Variants in BCAS3 observed in about 807,000 individuals in gnomAD.
BCAS3 encodes the protein BCAS3 microtubule associated cell migration factor, also known as BCAS4/BCAS3 fusion.
BCAS3 carries 53 observed loss-of-function variants against 116.1 expected under a neutral mutation model. The observed-to-expected ratio is 0.46, with a 90% CI of 0.37 to 0.57. The LOEUF (loss-of-function observed/expected upper bound fraction) is 0.57. Ranked by LOEUF, BCAS3 falls within the 20% of genes least tolerant of loss-of-function variation. BCAS3 has a pLI of 0.00. For synonymous variants in BCAS3, 391 were observed against 408.2 expected, an observed-to-expected ratio of 0.96 and a Z score of 0.51; for missense variants, 917 against 1,165.4, an observed-to-expected ratio of 0.79 and a Z score of 3.10.
Position 61,279,351 on chromosome 17 carries a change from G to T in BCAS3, c.2426-88976G>T, listed in dbSNP as rs1004613868. Among the ~76,000 whole-genome samples the T allele has an allele frequency of 2.0e-5, 3 of 151,908 alleles. No individual in the cohort carries two copies. The highest frequency in any genetic ancestry group is 6.6e-5 in the Admixed American group (1 of 15,258). ...TAGGTCTGACACACCTAATAGAACA[G>T]AAGCTCTCGCTTCTTTCTTCTCTTT... On this transcript the variant is annotated intron_variant, in intron 22 of 23. Transcript: ENST00000407086. This position sits in a 1 kb window ranked among gnomAD's most constrained non-coding sequence, Gnocchi z 4.4.
intron 5 of BCAS3, among the ~76,000 whole-genome samples, chr17:60,741,542 T>TA (rs1303133471): frequency 2.0e-5 from 3 of 152,238 alleles, no homozygotes; most frequent in Non-Finnish European, 4.4e-5. Context: ...ACAAAAGTCT[T>TA]ACATCATCTG....
At chr17:61,158,346 G>A (rs2077979494) in intron 22 of BCAS3, among the ~76,000 whole-genome samples, 1 of 152,122 alleles carries the variant, frequency 6.6e-6, no homozygotes, top group South Asian at 2.1e-4. Flanking sequence ...GATAGAATAT[G>A]TGCATGACTT....
At chr17:60,721,557 A>G (rs1489494856) in intron 5 of BCAS3, among the ~76,000 whole-genome samples, 2 of 152,156 alleles carry the variant, frequency 1.3e-5, no homozygotes, top group Non-Finnish European at 2.9e-5. Context: ...GGCAGTAGAC[A>G]TTACTGTGAG....
chr17:61,148,755 T>C (rs1371751481), intron 22 of BCAS3, among the ~76,000 whole-genome samples: 2 of 152,234 alleles, frequency 1.3e-5, no homozygotes, highest in Admixed American at 6.5e-5. Flanking sequence ...ACTGCAGGTC[T>C]GTCTCCCTCC....
chr17:60,875,356 C>G (rs1035513504), intron 9 of BCAS3, among the ~76,000 whole-genome samples: 2 of 151,988 alleles, frequency 1.3e-5, no homozygotes, highest in African/African-American at 4.8e-5. Context: ...GTGGTAAGTC[C>G]TCATTTGGGT....
intron 22 of BCAS3, among the ~76,000 whole-genome samples, chr17:61,193,401 A>C (rs1332132812): frequency 6.6e-6 from 1 of 152,206 alleles, no homozygotes. Context: ...GATCATACAA[A>C]ATAAGATAGT....
At chr17:61,058,458 TTTTTC>T in intron 19 of BCAS3, among the ~76,000 whole-genome samples, 1 of 152,306 alleles carries the variant, frequency 6.6e-6, no homozygotes, top group South Asian at 2.1e-4. Flanking sequence ...GGATAGCGTT[TTTTTC>T]TTTTCTTGGT....
At chr17:61,371,096 A>G (rs1433424179) in intron 23 of BCAS3, among the ~76,000 whole-genome samples, 1 of 152,226 alleles carries the variant, frequency 6.6e-6, no homozygotes, top group Non-Finnish European at 1.5e-5. Context: ...CATGTGACAC[A>G]GCAATTGGGA....
chr17:60,704,305 A>G (rs2036831162), intron 4 of BCAS3, among the ~76,000 whole-genome samples: 1 of 151,694 alleles, frequency 6.6e-6, no homozygotes, highest in African/African-American at 2.4e-5. Context: ...AATTAACGCC[A>G]GGAAGGGATA....
chr17:60,861,667 CAAT>C (rs1488723215), intron 7 of BCAS3, among the ~76,000 whole-genome samples: 1 of 152,028 alleles, frequency 6.6e-6, no homozygotes, highest in Non-Finnish European at 1.5e-5. Context: ...TATGTTCCTT[CAAT>C]ATCTAGTTTG....
intron 9 of BCAS3, among the ~76,000 whole-genome samples, chr17:60,877,756 A>T (rs953668923): frequency 1.3e-5 from 2 of 152,180 alleles, no homozygotes; most frequent in African/African-American, 4.8e-5. Context: ...CACAGTGATG[A>T]ATTTTTAGTA....
intron 19 of BCAS3, among the ~76,000 whole-genome samples, chr17:61,053,967 C>G (rs1016542726): frequency 6.6e-6 from 1 of 152,148 alleles, no homozygotes; most frequent in Non-Finnish European, 1.5e-5. Context: ...AATTTAGCCA[C>G]ATGTATGTTT....
At chr17:61,016,587 T>C (rs989657954) in intron 16 of BCAS3, among the ~76,000 whole-genome samples, 2 of 152,208 alleles carry the variant, frequency 1.3e-5, no homozygotes, top group African/African-American at 4.8e-5. Flanking sequence ...AGATATTCAA[T>C]TGTATATTAA....
At chr17:60,689,570 G>C (rs1282146926) in intron 3 of BCAS3, 116 bp from the exon 4 acceptor site, 8 of 595,920 alleles carry the variant, frequency 1.3e-5, no homozygotes, top group Non-Finnish European at 2.0e-5. Context: ...TTACCAAGAT[G>C]TAGGGTTGGT....
chr17:61,211,957 A>T lies in BCAS3; in HGVS notation c.2425+127393A>T, dbSNP rs530541978. Among the ~76,000 whole-genome samples the T allele has an allele frequency of 3.9e-5, 6 of 152,368 alleles. No homozygotes were observed. In the South Asian group the frequency reaches 1.2e-3, roughly 32 times the overall value. On this transcript the variant is annotated intron_variant, in intron 22 of 23. Transcript: ENST00000407086. The surrounding 1 kb of genome is among the most constrained non-coding windows in gnomAD (Gnocchi z 4.4). ...TGTGGGTGTTTCTACAATGTGGGAAACTTGTTTCATTGAAGAGTCTGAATA... is the reference window on the plus strand; with the variant it reads ...TGTGGGTGTTTCTACAATGTGGGAATCTTGTTTCATTGAAGAGTCTGAATA...
rs1179415051 is a variant in BCAS3 at position 61,141,761 on chromosome 17, C to T, written c.2425+57197C>T. On this transcript the variant is annotated intron_variant, in intron 22 of 23. Transcript: ENST00000407086. This position sits in a 1 kb window ranked among gnomAD's most constrained non-coding sequence, Gnocchi z 4.3. ...ACTAAAAATACAAAAATTAGCTGGG[C>T]GTGGTGGCGCACGCCTGTAGTCCCA... Among the ~76,000 whole-genome samples, 2 of 151,714 alleles carry T rather than the reference C, an allele frequency of 1.3e-5. No homozygotes were observed. Among genetic ancestry groups the T allele is most frequent in the Non-Finnish European group, 1.5e-5 (1 of 67,930 alleles).
At position 61,226,250 on chromosome 17, in the gene BCAS3, T is replaced by C. The variant is rs1317663310; in HGVS notation, c.2425+141686T>C. Among the ~76,000 whole-genome samples, 2 of 152,342 alleles carry C rather than the reference T, an allele frequency of 1.3e-5. No homozygotes were observed. Among genetic ancestry groups the C allele is most frequent in the Admixed American group, 1.3e-4 (2 of 15,304 alleles). On this transcript the variant is annotated intron_variant, in intron 22 of 23. Coordinates refer to ENST00000407086, the MANE Select transcript of BCAS3 (RefSeq NM_017679.5). The surrounding 1 kb of genome is among the most constrained non-coding windows in gnomAD (Gnocchi z 6.0). ...TCTATCAAATGCATTTTCACATTCT[T>C]GTTATGTCCAAAATTCTCTATAAAA...
At chr17:60,922,497 GTA>G (rs1312445708) in intron 12 of BCAS3, among the ~76,000 whole-genome samples, 3 of 139,036 alleles carry the variant, frequency 2.2e-5, no homozygotes, top group African/African-American at 1.0e-4. Flanking sequence ...TAAGCACTCT[GTA>G]ATTTTCCACA....
At chr17:60,862,952 G>A (rs2054282967) in intron 7 of BCAS3, among the ~76,000 whole-genome samples, 1 of 151,944 alleles carries the variant, frequency 6.6e-6, no homozygotes, top group South Asian at 2.1e-4. Context: ...CTATTTTCAT[G>A]CATTTCTTTT....
Sources: gnomAD v4.1 joint callset for allele counts (sites outside exome capture counted in the v4.1 genomes callset) on GRCh38, gnomAD v4.1.1 for gene constraint, Gnocchi (gnomAD v3.1) non-coding constraint, MANE v1.5 for transcripts, NCBI Gene and HGNC (gene_info 2026-07-23, HGNC 2026-07-21) for gene names.